Variants in POU6F2 observed in about 807,000 individuals in gnomAD.
POU6F2 encodes POU class 6 homeobox 2, also known as POU domain, class 6, transcription factor 2.
A neutral mutation model predicts 71.3 loss-of-function variants in POU6F2; 31 were observed. That is an observed-to-expected ratio of 0.43 (90% CI 0.33 to 0.59). POU6F2 has a LOEUF of 0.59. Among genes scored for constraint, POU6F2 ranks in the 20% least tolerant of loss-of-function variants. POU6F2 has a pLI of 0.04. For synonymous variants in POU6F2, 347 were observed against 355.7 expected (o/e 0.98, Z 0.27); for missense variants, 783 against 856.8 (o/e 0.91, Z 1.07).
intron 7 of POU6F2, among the ~76,000 whole-genome samples, chr7:39,448,137 G>A (rs1038849030): frequency 6.6e-6 from 1 of 152,298 alleles, no homozygotes; most frequent in African/African-American, 2.4e-5. Flanking sequence ...AAGAATTACA[G>A]TTTTAGAGAT....
intron 2 of POU6F2, among the ~76,000 whole-genome samples, chr7:39,170,176 A>G (rs1171636185): frequency 6.6e-6 from 1 of 152,218 alleles, no homozygotes; most frequent in African/African-American, 2.4e-5. Flanking sequence ...TCAAAAAATA[A>G]TAATAATAAA....
At chr7:39,225,690 C>A (rs115174787) in intron 4 of POU6F2, among the ~76,000 whole-genome samples, 1,949 of 152,264 alleles carry the variant, frequency 0.013, 46 homozygotes, top group African/African-American at 0.044. Context: ...GAGACTTTGT[C>A]TAAAATTTGA....
At chr7:39,191,913 C>T (rs528587232) in intron 2 of POU6F2, among the ~76,000 whole-genome samples, 1 of 152,080 alleles carries the variant, frequency 6.6e-6, no homozygotes, top group Non-Finnish European at 1.5e-5. Flanking sequence ...TTTTTTATAA[C>T]CAACTCTTGG....
intron 5 of POU6F2, among the ~76,000 whole-genome samples, chr7:39,377,464 C>G (rs1047729826): frequency 6.6e-6 from 1 of 152,190 alleles, no homozygotes; most frequent in Non-Finnish European, 1.5e-5. Flanking sequence ...TAAAAGAAAT[C>G]ATTTCCTTAG....
chr7:39,397,137 G>A lies in POU6F2; in HGVS notation c.973-9463G>A, dbSNP rs1053165106. Among the ~76,000 whole-genome samples, 4 of 151,864 alleles carry A rather than the reference G, an allele frequency of 2.6e-5. 1 individual carries two copies. The highest frequency in any genetic ancestry group is 3.9e-4 in the East Asian group (2 of 5,158). On this transcript the variant is annotated intron_variant, in intron 5 of 9. Transcript: ENST00000518318. The stretch of plus-strand genomic sequence containing the variant: ...TCCCAACTAGTATGAAAGACTGCTC[G>A]GTGCCAATTTTGACCTTTCAGGACT...
chr7:39,230,989 T>C (rs1242793017), intron 4 of POU6F2, among the ~76,000 whole-genome samples: 2 of 152,200 alleles, frequency 1.3e-5, no homozygotes, highest in African/African-American at 4.8e-5. Context: ...CACTTTTTGT[T>C]GTTGTAATTG....
At chr7:39,419,961 T>C (rs1251723304) in intron 6 of POU6F2, among the ~76,000 whole-genome samples, 1 of 152,210 alleles carries the variant, frequency 6.6e-6, no homozygotes, top group Non-Finnish European at 1.5e-5. Flanking sequence ...AATGTTGTAA[T>C]TTATTTAATC....
At chr7:39,157,827 A>G (rs1285630482) in intron 2 of POU6F2, among the ~76,000 whole-genome samples, 1 of 152,188 alleles carries the variant, frequency 6.6e-6, no homozygotes, top group Non-Finnish European at 1.5e-5. Context: ...CAATAAACTG[A>G]CAAAGTTTTG....
chr7:39,442,601 C>T lies in POU6F2; in HGVS notation c.1321-8932C>T, dbSNP rs77135202. Among the ~76,000 whole-genome samples the T allele has an allele frequency of 4.6e-3, 707 of 152,282 alleles. 7 individuals carry two copies. The highest frequency in any genetic ancestry group is 0.015 in the African/African-American group (611 of 41,566). ...TATTTATTTCACTATTTGCTATTTA[C>T]ACTATTTCTGTTTGATTCTCTACCT... On this transcript the variant is annotated intron_variant, in intron 7 of 9. Coordinates refer to ENST00000518318, the MANE Select transcript of POU6F2 (RefSeq NM_001370959.1).
chr7:39,149,299 A>G (rs1274386524), intron 2 of POU6F2, among the ~76,000 whole-genome samples: 1 of 152,212 alleles, frequency 6.6e-6, no homozygotes, highest in Non-Finnish European at 1.5e-5. Context: ...CCAGCCATGT[A>G]CTTACTTGCA....
chr7:38,988,284 G>A lies in POU6F2; in HGVS notation c.105+10226G>A, dbSNP rs77046417. ...CCTTTAAAAATCTACTGATGTGAAG[G>A]ACTCATTCTCAGAAATTCTGGTTCT... On this transcript the variant is annotated intron_variant, in intron 1 of 9. Transcript: ENST00000518318. 7.0e-3 allele frequency among the ~76,000 whole-genome samples: 1,072 copies of A among 152,136 alleles called. 13 individuals are homozygous for A. The highest frequency in any genetic ancestry group is 0.024 in the African/African-American group (1,017 of 41,536).
chr7:39,028,557 A>G (rs1562676829), intron 1 of POU6F2, among the ~76,000 whole-genome samples: 1 of 152,052 alleles, frequency 6.6e-6, no homozygotes, highest in Non-Finnish European at 1.5e-5. Flanking sequence ...ACTTTTAAAA[A>G]TTATTTATTT....
intron 2 of POU6F2, among the ~76,000 whole-genome samples, chr7:39,106,647 A>T (rs1170493430): frequency 6.6e-6 from 1 of 152,234 alleles, no homozygotes; most frequent in Admixed American, 6.5e-5. Flanking sequence ...AAAATTGAAC[A>T]TTTTTGTAGA....
chr7:39,389,120 G>A (rs1787013021), intron 5 of POU6F2, among the ~76,000 whole-genome samples: 1 of 152,132 alleles, frequency 6.6e-6, no homozygotes, highest in Admixed American at 6.5e-5. Context: ...AACACAAGTA[G>A]TGTCATTCAT....
At chr7:39,254,468 A>C (rs1330320209) in intron 4 of POU6F2, among the ~76,000 whole-genome samples, 1 of 152,132 alleles carries the variant, frequency 6.6e-6, no homozygotes, top group African/African-American at 2.4e-5. Context: ...CATTATAAAT[A>C]CTAATGAGGA....
intron 6 of POU6F2, among the ~76,000 whole-genome samples, chr7:39,407,963 C>A (rs1787474590): frequency 6.6e-6 from 1 of 152,200 alleles, no homozygotes. Flanking sequence ...GAACACTGTG[C>A]CCTCTACAGT....
At chr7:39,087,901 C>T (rs1461143116) in intron 2 of POU6F2, among the ~76,000 whole-genome samples, 1 of 152,024 alleles carries the variant, frequency 6.6e-6, no homozygotes, top group Non-Finnish European at 1.5e-5. Context: ...TACTGATTTG[C>T]ATGTGTAGAG....
chr7:39,364,185 A>G (rs73123797), intron 5 of POU6F2, among the ~76,000 whole-genome samples: 22,845 of 151,714 alleles, frequency 0.15, 1,788 homozygotes, highest in African/African-American at 0.17. Context: ...AACGGAACAC[A>G]GACATAGTTG....
At chr7:39,013,101 G>A (rs1403380028) in intron 1 of POU6F2, 2 of 153,182 alleles carry the variant, frequency 1.3e-5, no homozygotes, top group South Asian at 2.0e-4. Flanking sequence ...TCAAGCCTGG[G>A]CAATGGCGGG....
Sources: gnomAD v4.1 joint callset for allele counts (sites outside exome capture counted in the v4.1 genomes callset) on GRCh38, gnomAD v4.1.1 for gene constraint, MANE v1.5 for transcripts, NCBI Gene and HGNC (gene_info 2026-07-23, HGNC 2026-07-21) for gene names.